Variants in CHN2 observed in about 807,000 individuals in gnomAD.
CHN2 encodes beta-chimaerin.
A neutral mutation model predicts 56.3 loss-of-function variants in CHN2; 35 were observed. That is an observed-to-expected ratio of 0.62 (90% CI 0.47 to 0.82). The LOEUF is 0.82. Ranked by LOEUF, CHN2 falls within the 40% of genes least tolerant of loss-of-function variation. The probability of loss-of-function intolerance (pLI) is 0.00; values close to 1 mark genes in which losing one functional copy is unlikely to be tolerated. For missense variants in CHN2, 491 were observed against 580.5 expected (o/e 0.85, Z 1.58); for synonymous variants, 210 against 212.8 (o/e 0.99, Z 0.12).
rs867919075 is a variant in CHN2, at chr7:29,308,466, T to C, written c.50-46159T>C. On this transcript the variant is annotated intron_variant, in intron 1 of 12. Coordinates refer to ENST00000222792, the MANE Select transcript of CHN2 (RefSeq NM_004067.4). ...GTCACAGTGCAAGGTGGTTGGGGTGTGTGTGTGTGTGTGTGTTGGGATAGG... is the reference window on the plus strand; with the variant it reads ...GTCACAGTGCAAGGTGGTTGGGGTGCGTGTGTGTGTGTGTGTTGGGATAGG... 8.2e-3 allele frequency among the ~76,000 whole-genome samples: 1,226 copies of C among 149,572 alleles called. 15 individuals are homozygous for C. The highest frequency in any genetic ancestry group is 0.028 in the African/African-American group (1,164 of 41,106).
chr7:29,467,743 G>T (rs1785656107), intron 6 of CHN2, among the ~76,000 whole-genome samples: 1 of 152,180 alleles, frequency 6.6e-6, no homozygotes, highest in Non-Finnish European at 1.5e-5. Flanking sequence ...GTGCAAGCTT[G>T]CATAGTGAGA....
intron 1 of CHN2, chr7:29,195,375 C>T (rs754708581): frequency 1.8e-5 from 4 of 228,200 alleles, no homozygotes; most frequent in African/African-American, 2.3e-5. Context: ...CCGTGCCGCG[C>T]CCGCTACCCT....
At chr7:29,488,921 A>T (rs1788349074) in intron 7 of CHN2, among the ~76,000 whole-genome samples, 1 of 152,226 alleles carries the variant, frequency 6.6e-6, no homozygotes, top group East Asian at 1.9e-4. Flanking sequence ...AAAAATTCTC[A>T]ACTGCAGCAT....
chr7:29,255,068 C>T (rs1788960684), intron 1 of CHN2, among the ~76,000 whole-genome samples: 1 of 152,174 alleles, frequency 6.6e-6, no homozygotes, highest in South Asian at 2.1e-4. Context: ...GGTCCATTTA[C>T]ACCAGGAGCC....
chr7:29,173,700 T>C (rs1462246814), intron 2 of CHN2, among the ~76,000 whole-genome samples: 1 of 151,398 alleles, frequency 6.6e-6, no homozygotes, highest in African/African-American at 2.4e-5. Flanking sequence ...TTCCTTACTT[T>C]GGCAGGCTGA....
intron 1 of CHN2, among the ~76,000 whole-genome samples, chr7:29,286,541 T>G (rs1315997242): frequency 2.0e-5 from 3 of 152,164 alleles, no homozygotes; most frequent in Non-Finnish European, 4.4e-5. Flanking sequence ...AGCCTTACCC[T>G]TTCTTCCTCT....
intron 1 of CHN2, among the ~76,000 whole-genome samples, chr7:29,316,529 G>A (rs567664937): frequency 2.0e-5 from 3 of 152,248 alleles, no homozygotes; most frequent in Admixed American, 1.3e-4. Context: ...TCAGTATCAT[G>A]CAGGTTCCTT....
At chr7:29,285,105 T>A (rs996589497) in intron 1 of CHN2, among the ~76,000 whole-genome samples, 1 of 152,140 alleles carries the variant, frequency 6.6e-6, no homozygotes, top group African/African-American at 2.4e-5. Context: ...CCTTGAGGAA[T>A]CTCTGGGGAA....
At chr7:29,175,996 C>T (rs1200371346) in intron 2 of CHN2, among the ~76,000 whole-genome samples, 1 of 152,098 alleles carries the variant, frequency 6.6e-6, no homozygotes, top group African/African-American at 2.4e-5. Context: ...ACCATCCTGA[C>T]TAACACGGTG....
chr7:29,237,349 GT>G, intron 1 of CHN2, among the ~76,000 whole-genome samples: 1 of 151,680 alleles, frequency 6.6e-6, no homozygotes, highest in Non-Finnish European at 1.5e-5. Context: ...GATTCCTGAT[GT>G]TTCAGTAACT....
At chr7:29,154,307 C>T (rs1794035599) in intron 2 of CHN2, among the ~76,000 whole-genome samples, 1 of 152,116 alleles carries the variant, frequency 6.6e-6, no homozygotes, top group South Asian at 2.1e-4. Context: ...AGATCAGGCC[C>T]CTCTCCATTC....
chr7:29,480,481 T>G, intron 7 of CHN2, 125 bp downstream of exon 7: 1 of 1,036,932 alleles, frequency 9.6e-7, no homozygotes, highest in Non-Finnish European at 1.4e-6. Context: ...TTTCCACATT[T>G]AGCTATAAGC....
intron 1 of CHN2, among the ~76,000 whole-genome samples, chr7:29,303,052 G>T (rs1012196420): frequency 6.6e-6 from 1 of 152,138 alleles, no homozygotes; most frequent in Admixed American, 6.5e-5. Context: ...GGTTCCAGGG[G>T]TCTGACTCAG....
chr7:29,345,990 T>C (rs997495634), intron 1 of CHN2, among the ~76,000 whole-genome samples: 1 of 152,148 alleles, frequency 6.6e-6, no homozygotes, highest in African/African-American at 2.4e-5. Flanking sequence ...AGTTTCATAG[T>C]CAGACTGACA....
rs139852959 is a variant in CHN2 at position 29,334,271 on chromosome 7, A to C, written c.50-20354A>C. On this transcript the variant is annotated intron_variant, in intron 1 of 12. Coordinates refer to ENST00000222792, the MANE Select transcript of CHN2 (RefSeq NM_004067.4). ...TCTTCATGTTGGCCAGACTGGTCTC[A>C]AACTTCTGACCTCAAGTGATCCACT... Among the ~76,000 whole-genome samples, 390 of 152,018 alleles carry C rather than the reference A, an allele frequency of 2.6e-3. 3 individuals carry two copies. Among genetic ancestry groups the C allele is most frequent in the Non-Finnish European group, 1.7e-3 (118 of 67,960 alleles).
intron 1 of CHN2, among the ~76,000 whole-genome samples, chr7:29,323,574 C>G (rs1446689432): frequency 6.6e-6 from 1 of 152,044 alleles, no homozygotes; most frequent in South Asian, 2.1e-4. Flanking sequence ...CGCCTCGCCA[C>G]GTGGGAGATG....
At chr7:29,371,483 C>T (rs1346989275) in intron 3 of CHN2, among the ~76,000 whole-genome samples, 1 of 152,238 alleles carries the variant, frequency 6.6e-6, no homozygotes, top group Admixed American at 6.5e-5. Flanking sequence ...AACATCTTCC[C>T]ATATGCAGAA....
At chr7:29,162,772 G>C (rs1220671837) in intron 2 of CHN2, among the ~76,000 whole-genome samples, 1 of 152,034 alleles carries the variant, frequency 6.6e-6, no homozygotes, top group Non-Finnish European at 1.5e-5. Context: ...CAAAGTTGCA[G>C]AGAAAACAGA....
intron 4 of CHN2, chr7:29,397,616 G>A (rs1801858432): frequency 6.6e-6 from 1 of 152,118 alleles, no homozygotes; most frequent in African/African-American, 2.4e-5. Flanking sequence ...CAGGGAACGT[G>A]GGCTGGTTCC....
Sources: allele counts gnomAD v4.1 joint callset (sites outside exome capture counted in the v4.1 genomes callset), GRCh38; gene constraint gnomAD v4.1.1; transcripts MANE v1.5; gene names NCBI Gene and HGNC (gene_info 2026-07-23, HGNC 2026-07-21).